NEB: variants seen among roughly 807,000 people sequenced by gnomAD.
The protein encoded by NEB is nemaline myopathy type 2.
NEB carries 512 observed loss-of-function variants against 952.2 expected under a neutral mutation model. That is an observed-to-expected ratio of 0.54 (90% CI 0.50 to 0.58). The LOEUF (loss-of-function observed/expected upper bound fraction) is 0.58, where lower values mean the gene tolerates loss of function less well. Ranked by LOEUF, NEB falls within the 20% of genes least tolerant of loss-of-function variation. NEB has a pLI of 0.00. For missense variants in NEB, 8,428 were observed against 9,231.1 expected (o/e 0.91, Z 3.56); for synonymous variants, 2,900 against 3,149.8 (o/e 0.92, Z 2.66).
chr2:151,649,571 T>G (rs2099006452), intron 54 of NEB, among the ~76,000 whole-genome samples: 1 of 152,204 alleles, frequency 6.6e-6, no homozygotes, highest in Admixed American at 6.5e-5. Context: ...AGCTGAGCAG[T>G]GTTGAGTAAT....
chr2:151,625,043 A>G (rs931122907), intron 71 of NEB, among the ~76,000 whole-genome samples: 40 of 152,196 alleles, frequency 2.6e-4, no homozygotes, highest in Admixed American at 2.6e-3. Flanking sequence ...AGCATAAAGG[A>G]GAGACATTAA....
At chr2:151,498,817 ATTTAATT>A (rs1559237181) in intron 169 of NEB, among the ~76,000 whole-genome samples, 1 of 152,168 alleles carries the variant, frequency 6.6e-6, no homozygotes, top group African/African-American at 2.4e-5. Flanking sequence ...AAGTCAGAGT[ATTTAATT>A]TTTAGTTTGG....
At chr2:151,691,840 A>C in intron 23 of NEB, 24 bp downstream of exon 23, 1 of 1,515,700 alleles carries the variant, frequency 6.6e-7, no homozygotes, top group African/African-American at 1.4e-5. Flanking sequence ...GCTCAATTTC[A>C]ATAATTCAGG....
At chr2:151,511,875 G>A (rs778028080) in intron 161 of NEB, among the ~76,000 whole-genome samples, 8 of 151,944 alleles carry the variant, frequency 5.3e-5, no homozygotes, top group Admixed American at 2.0e-4. Flanking sequence ...CCAGATCTGC[G>A]CACACATTTT....
At chr2:151,733,219 G>A in intron 2 of NEB, 34 bp from the exon 3 acceptor site, 1 of 1,387,306 alleles carries the variant, frequency 7.2e-7, no homozygotes, top group Non-Finnish European at 1.0e-6. Context: ...AAACATATTA[G>A]AGTCTATTCC....
intron 63 of NEB, 29 bp downstream of exon 63, chr2:151,639,251 T>TGTGCAAA (rs1253725816): frequency 6.9e-7 from 1 of 1,457,408 alleles, no homozygotes; most frequent in East Asian, 2.5e-5. Flanking sequence ...TAAGCAGCAG[T>TGTGCAAA]GTGCAAATGT....
chr2:151,686,005 T>C (rs1446787172), intron 27 of NEB, among the ~76,000 whole-genome samples: 2 of 152,208 alleles, frequency 1.3e-5, no homozygotes, highest in African/African-American at 2.4e-5. Context: ...TATTTAACTA[T>C]AAAATTGAGA....
chr2:151,697,185 T>C lies in NEB; in HGVS notation c.1433A>G (p.Glu478Gly). 6.2e-7 allele frequency: 1 copy of C among 1,613,712 alleles called. No individual in the cohort carries two copies. Among genetic ancestry groups the C allele is most frequent in the Non-Finnish European group, 8.5e-7 (1 of 1,179,856 alleles). ...KGFFPQTITQ[E>G]YEAIKKLDQC... ...ATCTAGTTTCTTAATTGCTTCATATTCTTGAGTTATGGTCTGAGGGAAGAA... is the reference window on the plus strand; with the variant it reads ...ATCTAGTTTCTTAATTGCTTCATATCCTTGAGTTATGGTCTGAGGGAAGAA... Residue 478 changes from glutamate to glycine, a missense_variant, in exon 16 of 182, where the codon GAA becomes GGA. Coordinates refer to ENST00000397345, the MANE Select transcript of NEB (RefSeq NM_001164508.2).
At chr2:151,642,893 C>T (rs754761980) in intron 58 of NEB, 24 bp from the exon 59 acceptor site, 2 of 1,537,918 alleles carry the variant, frequency 1.3e-6, no homozygotes, top group Non-Finnish European at 1.8e-6. Flanking sequence ...AAAAACATGA[C>T]TGGTATAGGC....
In NEB at chr2:151,672,698, G is replaced by A. The variant is rs761371115; in HGVS notation, c.3988-18C>T. 3 of 1,593,040 alleles carry A rather than the reference G, an allele frequency of 1.9e-6. No homozygotes were observed. In the East Asian group the frequency reaches 6.7e-5, roughly 36 times the overall value. The stretch of plus-strand genomic sequence containing the variant: ...TATTTATACTGTGGAGGCAGAATTG[G>A]GTTAGCAAAGTCCTAGGCATTGATA... On this transcript the variant is annotated intron_variant, in intron 36 of 181. Coordinates refer to ENST00000397345, the MANE Select transcript of NEB (RefSeq NM_001164508.2).
chr2:151,526,232 T>G lies in NEB; in HGVS notation c.21976A>C (p.Arg7326=), dbSNP rs780790042. The G allele has an allele frequency of 1.2e-5, 19 of 1,613,100 alleles. No individual in the cohort carries two copies. In the Admixed American group the frequency reaches 3.0e-4, roughly 26 times the overall value. Reference sequence around the variant, plus strand: ...TCAGGTACGGCATGGCAGGTTCCTCTTTCCTTGACATGTTTCTCTTTGTAT... The same window carrying G: ...TCAGGTACGGCATGGCAGGTTCCTCGTTCCTTGACATGTTTCTCTTTGTAT... ...LKYKEKHVKE[R]GTCHAVPDTP... is the part of the protein sequence containing the mutation. The change falls in exon 149 of 182, where the codon AGA becomes CGA. Residue 7326 remains arginine, a synonymous_variant. Transcript: ENST00000397345.
chr2:151,627,312 C>A lies in NEB; in HGVS notation c.10144-107G>T, dbSNP rs919976314. 2.1e-6 allele frequency: 3 copies of A among 1,410,366 alleles called. No homozygotes were observed. The African/African-American group carries it at 4.3e-5, about 20-fold the overall frequency. The allele number at this position is 1,410,366 out of a possible 1,614,324, so 87.4% of individuals were successfully genotyped here. A position where few individuals can be genotyped will look rare whatever the true frequency, so the allele number is the denominator to read the frequency against. ...CTTGGATAGTCAAATTTCATGTATA[C>A]GTTCTTCAATATATGAAGGCCAAAT... On this transcript the variant is annotated intron_variant, in intron 69 of 181. Transcript: ENST00000397345.
chr2:151,682,701 T>C lies in NEB; in HGVS notation c.2904A>G (p.Glu968=), dbSNP rs2099429615. Residue 968 remains glutamate, a synonymous_variant, in exon 29 of 182, where the codon GAA becomes GAG. Coordinates refer to ENST00000397345, the MANE Select transcript of NEB (RefSeq NM_001164508.2). ...CTGAAGCTCGCTTTGCCTTTTCCAT[T>C]TCTAAGGACCCAAAAGGCACCCAGC... ...GCGWVPFGSL[E]MEKAKRASDI... is the part of the protein sequence containing the mutation. 1.2e-6 allele frequency: 2 copies of C among 1,613,368 alleles called. No individual in the cohort carries two copies. The highest frequency in any genetic ancestry group is 1.7e-6 in the Non-Finnish European group (2 of 1,179,538).
At chr2:151,732,637 C>T (rs749827507) in intron 3 of NEB, among the ~76,000 whole-genome samples, 2 of 152,152 alleles carry the variant, frequency 1.3e-5, no homozygotes, top group Non-Finnish European at 2.9e-5. Context: ...AGTCTCACAT[C>T]TGCATATAAT....
chr2:151,649,285 G>A (rs1447710022), intron 54 of NEB, among the ~76,000 whole-genome samples: 2 of 152,026 alleles, frequency 1.3e-5, no homozygotes, highest in African/African-American at 4.8e-5. Context: ...GTCTGTGAGG[G>A]GTTAGTTAGG....
In NEB at chr2:151,485,659, C is replaced by A; in HGVS notation, c.*101G>T. On this transcript the variant is annotated 3_prime_UTR_variant, in exon 182 of 182. Transcript: ENST00000397345. ...ATAAATCACATTGACACAGAAAAAC[C>A]ATAGGCAGCTTGAGAACTTAGGTAA... 8.5e-7 allele frequency: 1 copy of A among 1,178,696 alleles called. No homozygotes were observed. The highest frequency in any genetic ancestry group is 1.8e-5 in the South Asian group (1 of 56,850). 73.0% of individuals were successfully genotyped at this position (1,178,696 alleles called of 1,614,324 possible). A position where few individuals can be genotyped will look rare whatever the true frequency, so the allele number is the denominator to read the frequency against.
Position 151,497,640 on chromosome 2 carries a change from C to T in NEB, c.24286G>A (p.Glu8096Lys). ...PEMERVKHNQ[E>K]NISSVLYKEN... Reference sequence around the variant, plus strand: ...TGCCAAAGTACCGAGCTAATATTTTCTTGATTGTGTTTGACTCTTTCCATC... The same window carrying T: ...TGCCAAAGTACCGAGCTAATATTTTTTTGATTGTGTTTGACTCTTTCCATC... Residue 8096 changes from glutamate (E) to lysine (K), a missense_variant, in exon 171 of 182, where the codon GAA becomes AAA. This residue lies in a region of NEB where 3,374 missense variants were observed against 3,651.5 expected (regional missense o/e 0.92). Transcript: ENST00000397345. The T allele has an allele frequency of 6.3e-7, 1 of 1,576,742 alleles. No individual in the cohort carries two copies. The highest frequency in any genetic ancestry group is 8.6e-7 in the Non-Finnish European group (1 of 1,158,744).
At chr2:151,506,002 G>T in intron 164 of NEB, 164 bp downstream of exon 164, 1 of 683,918 alleles carries the variant, frequency 1.5e-6, no homozygotes, top group Admixed American at 2.2e-5. Flanking sequence ...GCACTGCACT[G>T]AATATGAGAT....
rs115996307 is a variant in NEB, at chr2:151,652,704, G to C, written c.6915+1288C>G. Among the ~76,000 whole-genome samples, 947 of 152,092 alleles carry C rather than the reference G, an allele frequency of 6.2e-3. 12 individuals are homozygous for C. The highest frequency in any genetic ancestry group is 0.022 in the African/African-American group (906 of 41,486). ...ATTTTCTGAAAATTTATAAATACAA[G>C]GACATTTGAAATTGAGGGAAATACA... On this transcript the variant is annotated intron_variant, in intron 52 of 181. Coordinates refer to ENST00000397345, the MANE Select transcript of NEB (RefSeq NM_001164508.2).
Sources: allele counts gnomAD v4.1 joint callset (sites outside exome capture counted in the v4.1 genomes callset), GRCh38; gene constraint gnomAD v4.1.1; regional missense constraint gnomAD v4.1.1; transcripts MANE v1.5; gene names NCBI Gene and HGNC (gene_info 2026-07-23, HGNC 2026-07-21).